DCAF6: variants seen among roughly 807,000 people sequenced by gnomAD.
The protein encoded by DCAF6 is DDB1 and CUL4 associated factor 6.
Under a neutral mutation model 125.1 loss-of-function variants are expected in DCAF6, and 54 were observed. That is an observed-to-expected ratio of 0.43 (90% CI 0.35 to 0.54). The LOEUF is 0.54. DCAF6 is among the 20% of genes least tolerant of loss of function. DCAF6 has a pLI of 0.01. For missense variants in DCAF6, 934 were observed against 1,161.7 expected (o/e 0.80, Z 2.85); for synonymous variants, 371 against 390.4 (o/e 0.95, Z 0.58).
At chr1:167,872,701 A>G in the DCAF6 span, among the ~76,000 whole-genome samples, 3 of 150,636 alleles carry the variant, frequency 2.0e-5, no homozygotes, top group African/African-American at 7.4e-5. Flanking sequence ...TTATAGCTTG[A>G]AGGAAAGGTA....
the DCAF6 span, among the ~76,000 whole-genome samples, chr1:167,925,555 GT>G: frequency 1.2e-4 from 6 of 49,736 alleles, no homozygotes; most frequent in South Asian, 5.8e-4. Context: ...GGTTTTTTTT[GT>G]TTTTTTTTGA....
intron 4 of DCAF6, among the ~76,000 whole-genome samples, chr1:167,975,951 A>G (rs1678088192): frequency 6.6e-6 from 1 of 152,104 alleles, no homozygotes; most frequent in African/African-American, 2.4e-5. Flanking sequence ...TTTTTCCATC[A>G]TTTGAATTCC....
intron 12 of DCAF6, among the ~76,000 whole-genome samples, chr1:168,037,217 A>G (rs376209264): frequency 1.8e-4 from 28 of 151,926 alleles, no homozygotes; most frequent in African/African-American, 4.3e-4. Context: ...GTGTGCTCCA[A>G]CATCTTCAAG....
intron 2 of DCAF6, among the ~76,000 whole-genome samples, chr1:167,953,455 C>T (rs1002305239): frequency 6.6e-6 from 1 of 152,084 alleles, no homozygotes; most frequent in South Asian, 2.1e-4. Context: ...TACACTTTTG[C>T]CCCCCTGCCT....
chr1:167,981,537 C>G (rs543114321), intron 4 of DCAF6, among the ~76,000 whole-genome samples: 19 of 152,318 alleles, frequency 1.2e-4, no homozygotes, highest in Admixed American at 5.9e-4. Context: ...CTTTCTCCCT[C>G]CCTGCTCTAC....
Position 168,044,654 on chromosome 1 carries a change from A to C in DCAF6, c.1913A>C (p.Glu638Ala). ...GGAGTATCTGCAGAAAACCCAGTTG[A>C]GAACCATATCAATATAAGTGAGTTG... ...QEGVSAENPV[E>A]NHINITQSDK... The change falls in exon 15 of 22, where the codon GAG becomes GCG. Residue 638 changes from glutamate to alanine, a missense_variant. By Grantham distance (107) the Glu-to-Ala change is moderately radical (BLOSUM62 -1). Around this residue, in one of 5 missense-constraint regions of DCAF6, gnomAD observed 559 missense variants for 635.5 expected, o/e 0.88. Coordinates refer to ENST00000367840, the MANE Select transcript of DCAF6 (RefSeq NM_001198956.2). 4.3e-6 allele frequency: 7 copies of C among 1,612,050 alleles called. No homozygotes were observed. Among genetic ancestry groups the C allele is most frequent in the Non-Finnish European group, 5.9e-6 (7 of 1,178,232 alleles).
chr1:167,868,190 C>T, the DCAF6 span, among the ~76,000 whole-genome samples: 1 of 152,128 alleles, frequency 6.6e-6, no homozygotes, highest in South Asian at 2.1e-4. Context: ...ATTAGCCGAG[C>T]ATGTAGCCCA....
chr1:167,871,039 A>G, the DCAF6 span, among the ~76,000 whole-genome samples: 10 of 152,188 alleles, frequency 6.6e-5, no homozygotes, highest in African/African-American at 2.4e-4. Context: ...ACCAGGAATT[A>G]AGCCAAGGCT....
At chr1:167,925,009 A>AT in the DCAF6 span, among the ~76,000 whole-genome samples, 2 of 152,062 alleles carry the variant, frequency 1.3e-5, no homozygotes, top group Non-Finnish European at 2.9e-5. Flanking sequence ...CTTCCCTCCA[A>AT]TTTTTGCTTA....
At chr1:168,009,376 T>A (rs1349061171) in intron 10 of DCAF6, among the ~76,000 whole-genome samples, 1 of 145,406 alleles carries the variant, frequency 6.9e-6, no homozygotes, top group Non-Finnish European at 1.5e-5. Context: ...CCTTCCTTCC[T>A]TCCTTCCTTC....
intron 6 of DCAF6, among the ~76,000 whole-genome samples, chr1:167,992,586 G>C (rs891122684): frequency 6.6e-6 from 1 of 152,208 alleles, no homozygotes; most frequent in African/African-American, 2.4e-5. Context: ...TTGACATTTT[G>C]AGCATGATAA....
intron 4 of DCAF6, among the ~76,000 whole-genome samples, chr1:167,975,434 A>T (rs770068115): frequency 2.6e-5 from 4 of 152,246 alleles, no homozygotes; most frequent in East Asian, 1.9e-4. Flanking sequence ...AGACAAAAGA[A>T]TCAGATTCCT....
At chr1:167,935,828 C>G, upstream of DCAF6, 1 of 1,552,004 alleles carries the variant, frequency 6.4e-7, no homozygotes, top group East Asian at 2.4e-5. Flanking sequence ...GCCTCGGGCA[C>G]CGGCGGCCGA....
chr1:167,880,412 T>C, the DCAF6 span: 1 of 1,120,498 alleles, frequency 8.9e-7, no homozygotes, highest in Non-Finnish European at 1.4e-6. Context: ...CTTCTTTCTT[T>C]CCTGTTCCCT....
intron 6 of DCAF6, among the ~76,000 whole-genome samples, chr1:167,992,718 G>A (rs1170731201): frequency 1.3e-5 from 2 of 152,160 alleles, no homozygotes; most frequent in Non-Finnish European, 2.9e-5. Context: ...GACTACCAGA[G>A]TTAATTAAAA....
the DCAF6 span, among the ~76,000 whole-genome samples, chr1:167,894,287 T>C: frequency 6.6e-6 from 1 of 152,042 alleles, no homozygotes; most frequent in African/African-American, 2.4e-5. Context: ...GAGAGGAGCA[T>C]GGTGACAGAA....
At position 168,009,382 on chromosome 1, in the gene DCAF6, C is replaced by T. The variant is rs201207426; in HGVS notation, c.1378+4589C>T. Among the ~76,000 whole-genome samples, 599 of 108,058 alleles carry T rather than the reference C, an allele frequency of 5.5e-3. 3 individuals are homozygous for T. The highest frequency in any genetic ancestry group is 0.026 in the South Asian group (106 of 4,110). 70.9% of individuals were successfully genotyped at this position (108,058 alleles called of 152,430 possible). On this transcript the variant is annotated intron_variant, in intron 10 of 21. Coordinates refer to ENST00000367840, the MANE Select transcript of DCAF6 (RefSeq NM_001198956.2). ...TCCTTCCTTCCTTCCTTCCTTCCTTCCTTCCTTTCTTTCTTTCTTTCTCTC... is the reference window on the plus strand; with the variant it reads ...TCCTTCCTTCCTTCCTTCCTTCCTTTCTTCCTTTCTTTCTTTCTTTCTCTC...
chr1:167,904,630 T>C, the DCAF6 span: 2 of 534,734 alleles, frequency 3.7e-6, no homozygotes, highest in Non-Finnish European at 6.6e-6. Flanking sequence ...GCAAGTTTAT[T>C]AGTAAGATGT....
At chr1:168,049,231 T>G (rs1006466778) in intron 16 of DCAF6, among the ~76,000 whole-genome samples, 1 of 152,072 alleles carries the variant, frequency 6.6e-6, no homozygotes, top group Non-Finnish European at 1.5e-5. Flanking sequence ...TTTTATATAC[T>G]GTATTTATTT....
Sources: gnomAD v4.1 joint callset for allele counts (sites outside exome capture counted in the v4.1 genomes callset) on GRCh38, gnomAD v4.1.1 for gene constraint, gnomAD v4.1.1 regional missense constraint, MANE v1.5 for transcripts, NCBI Gene and HGNC (gene_info 2026-07-23, HGNC 2026-07-21) for gene names.